Variants in TSR1 observed in about 807,000 individuals in gnomAD.
TSR1 encodes the protein pre-rRNA-processing protein TSR1 homolog.
Under a neutral mutation model 90.9 loss-of-function variants are expected in TSR1, and 81 were observed. That is an observed-to-expected ratio of 0.89 (90% CI 0.74 to 1.07). The LOEUF (loss-of-function observed/expected upper bound fraction) is 1.07. Among genes scored for constraint, TSR1 ranks in the 50% least tolerant of loss-of-function variants. The pLI is 0.00. For missense variants in TSR1, 989 were observed against 987.3 expected, an observed-to-expected ratio of 1.00 and a Z score of -0.02; for synonymous variants, 362 against 348.8, an observed-to-expected ratio of 1.04 and a Z score of -0.42.
chr17:2,332,848 A>G (rs1212690874), intron 7 of TSR1, 113 bp downstream of exon 7: 1 of 1,105,898 alleles, frequency 9.0e-7, no homozygotes, highest in Non-Finnish European at 1.3e-6. Context: ...TAAAAAAAAA[A>G]TAAAAAAAAT....
chr17:2,330,363 C>T (rs1295846002), intron 10 of TSR1, 152 bp downstream of exon 10: 2 of 772,584 alleles, frequency 2.6e-6, no homozygotes, highest in Non-Finnish European at 4.8e-6. Flanking sequence ...CCATCATTGA[C>T]TTCTCTATTA....
At position 2,333,333 on chromosome 17, in the gene TSR1, T is replaced by G. The variant is rs1225733592; in HGVS notation, c.1142-209A>C. ...ATAAGCCCTGCAATGAATCCAAAGT[T>G]GTTTATCTGTTCATGATAAAACATT... On this transcript the variant is annotated intron_variant, in intron 6 of 14. Coordinates refer to ENST00000301364, the MANE Select transcript of TSR1 (RefSeq NM_018128.5). 3.6e-6 allele frequency: 3 copies of G among 842,748 alleles called. No homozygotes were observed. In the South Asian group the frequency reaches 4.3e-5, roughly 12 times the overall value. 52.2% of individuals were successfully genotyped at this position (842,748 alleles called of 1,614,324 possible). A position where few individuals can be genotyped will look rare whatever the true frequency, so the allele number is the denominator to read the frequency against.
In TSR1 at chr17:2,324,902, A is replaced by G. The variant is rs540573999; in HGVS notation, c.2021-73T>C. On this transcript the variant is annotated intron_variant, in intron 12 of 14. Coordinates refer to ENST00000301364, the MANE Select transcript of TSR1 (RefSeq NM_018128.5). The stretch of plus-strand genomic sequence containing the variant: ...TCTTCATTTATTGCCCAGTCCATTT[A>G]AAGACCCATGCAAGAGCCTGGTTTG... The G allele has an allele frequency of 4.4e-5, 67 of 1,519,208 alleles. No homozygotes were observed. The South Asian group carries it at 7.4e-4, about 17-fold the overall frequency. 94.1% of individuals were successfully genotyped at this position (1,519,208 alleles called of 1,614,324 possible).
chr17:2,334,347 C>T (rs1038918052), intron 5 of TSR1, 125 bp downstream of exon 5: 1 of 1,008,322 alleles, frequency 9.9e-7, no homozygotes. Flanking sequence ...TTATAACTGA[C>T]TATTGCCTTA....
rs770500874 is a variant in TSR1, at chr17:2,323,274, G to C, written c.*922C>G. 3.1e-6 allele frequency: 5 copies of C among 1,614,000 alleles called. No homozygotes were observed. The highest frequency in any genetic ancestry group is 4.2e-6 in the Non-Finnish European group (5 of 1,180,012). On this transcript the variant is annotated 3_prime_UTR_variant, in exon 15 of 15. Transcript: ENST00000301364. ...AGCAGATGGTGTCAAATCCAGCATT[G>C]GCTTGAACACCTGGCCTATTATCAG...
intron 2 of TSR1, 101 bp from the exon 3 acceptor site, chr17:2,335,831 ATC>A: frequency 7.2e-7 from 1 of 1,391,412 alleles, no homozygotes; most frequent in Non-Finnish European, 9.8e-7. Flanking sequence ...CAAAACCAGC[ATC>A]TCTCTAGTAA....
At chr17:2,324,401 C>A in intron 14 of TSR1, 27 bp from the exon 15 acceptor site, 1 of 1,595,414 alleles carries the variant, frequency 6.3e-7, no homozygotes, top group South Asian at 1.1e-5. Flanking sequence ...ACAAGTCGGT[C>A]AAATTAAAAG....
intron 10 of TSR1, 44 bp from the exon 11 acceptor site, chr17:2,329,519 A>T (rs780204438): frequency 2.5e-5 from 41 of 1,608,226 alleles, no homozygotes; most frequent in Non-Finnish European, 3.4e-5. Context: ...TAGTCTAGGA[A>T]TACAATTGCC....
At chr17:2,326,947 A>G (rs548953963) in intron 11 of TSR1, among the ~76,000 whole-genome samples, 37 of 151,540 alleles carry the variant, frequency 2.4e-4, no homozygotes, top group Non-Finnish European at 3.7e-4. Flanking sequence ...TCTACTAATA[A>G]TAGAAAAATT....
Position 2,334,761 on chromosome 17 carries a change from A to T in TSR1, c.692T>A (p.Met231Lys). 6.2e-7 allele frequency: 1 copy of T among 1,614,238 alleles called. No homozygotes were observed. Among genetic ancestry groups the T allele is most frequent in the Non-Finnish European group, 8.5e-7 (1 of 1,180,052 alleles). Residue 231 changes from methionine to lysine, a missense_variant, in exon 5 of 15, where the codon ATG becomes AAG. Met to Lys is a moderately conservative substitution (Grantham distance 95). Coordinates refer to ENST00000301364, the MANE Select transcript of TSR1 (RefSeq NM_018128.5). ...LLLDTQQEAG[M>K]LLRQLANQKQ... Reference sequence around the variant, plus strand: ...CTGGTTAGCCAACTGCCTAAGCAGCATCCCTGCCTCCTGTTGAGTGTCTAA... The same window carrying T: ...CTGGTTAGCCAACTGCCTAAGCAGCTTCCCTGCCTCCTGTTGAGTGTCTAA...
chr17:2,323,318 C>A lies in TSR1; in HGVS notation c.*878G>T. 6.2e-7 allele frequency: 1 copy of A among 1,614,022 alleles called. No homozygotes were observed. The highest frequency in any genetic ancestry group is 1.1e-5 in the South Asian group (1 of 91,076). On this transcript the variant is annotated 3_prime_UTR_variant, in exon 15 of 15. Transcript: ENST00000301364. The stretch of plus-strand genomic sequence containing the variant: ...TTATCAGGGACCTTGTGGATGATAT[C>A]TTCACTGTCACAGAGGATGAAATTA...
In TSR1 at chr17:2,323,163, G is replaced by A; in HGVS notation, c.*1033C>T. 1.2e-6 allele frequency: 2 copies of A among 1,614,210 alleles called. No homozygotes were observed. Among genetic ancestry groups the A allele is most frequent in the South Asian group, 1.1e-5 (1 of 91,082 alleles). ...TCTGAAACCTAGTGTGAAGGTATAT[G>A]CTGCTGAACCCTCAAATGCAGATGA... is the stretch of plus-strand genomic sequence containing the variant. On this transcript the variant is annotated 3_prime_UTR_variant, in exon 15 of 15. Coordinates refer to ENST00000301364, the MANE Select transcript of TSR1 (RefSeq NM_018128.5).
intron 5 of TSR1, among the ~76,000 whole-genome samples, chr17:2,333,950 G>C (rs936993607): frequency 6.6e-6 from 1 of 151,808 alleles, no homozygotes; most frequent in Non-Finnish European, 1.5e-5. Flanking sequence ...CATTTATTAC[G>C]TACCTCACTC....
chr17:2,329,328 T>C lies in TSR1; in HGVS notation c.1903+15A>G. On this transcript the variant is annotated intron_variant, in intron 11 of 14. Transcript: ENST00000301364. The stretch of plus-strand genomic sequence containing the variant: ...AAGACAAGATGGACAAGAACCCAGC[T>C]TCCCCATTGCTAACCTGCAGTGTGC... 1 of 1,613,490 alleles carries C rather than the reference T, an allele frequency of 6.2e-7. No individual in the cohort carries two copies. The highest frequency in any genetic ancestry group is 1.1e-5 in the South Asian group (1 of 91,078).
At chr17:2,329,712 C>A (rs1056907819) in intron 10 of TSR1, among the ~76,000 whole-genome samples, 3 of 152,102 alleles carry the variant, frequency 2.0e-5, no homozygotes, top group Non-Finnish European at 4.4e-5. Context: ...GCTAACCTAC[C>A]TTCCTGCACC....
At position 2,335,170 on chromosome 17, in the gene TSR1, G is replaced by A. The variant is rs2064043976; in HGVS notation, c.556+90C>T. 6 of 1,380,000 alleles carry A rather than the reference G, an allele frequency of 4.3e-6. No individual in the cohort carries two copies. The South Asian group carries it at 6.6e-5, about 15-fold the overall frequency. 85.5% of individuals were successfully genotyped at this position (1,380,000 alleles called of 1,614,324 possible). On this transcript the variant is annotated intron_variant, in intron 4 of 14. Transcript: ENST00000301364. ...ATATGTGTACATCCCACCACCAGCT[G>A]AATATGATCCATCAGTTGTATTCCT...
At chr17:2,334,162 C>G (rs779768977) in intron 5 of TSR1, among the ~76,000 whole-genome samples, 1 of 152,132 alleles carries the variant, frequency 6.6e-6, no homozygotes, top group Non-Finnish European at 1.5e-5. Flanking sequence ...ACTGCTGGTC[C>G]GCACTCTAAC....
rs1370658460 is a variant in TSR1, at chr17:2,325,283, C to T, written c.2020+21G>A. 4 of 1,575,484 alleles carry T rather than the reference C, an allele frequency of 2.5e-6. No individual in the cohort carries two copies. The African/African-American group carries it at 5.4e-5, about 21-fold the overall frequency. Reference sequence around the variant, plus strand: ...CTATTAAGGACCTGCAGGGTCTGTTCATCTCTGTGGCTCAACTTACCATTG... The same window carrying T: ...CTATTAAGGACCTGCAGGGTCTGTTTATCTCTGTGGCTCAACTTACCATTG... On this transcript the variant is annotated intron_variant, in intron 12 of 14. Coordinates refer to ENST00000301364, the MANE Select transcript of TSR1 (RefSeq NM_018128.5).
At chr17:2,330,855 T>C (rs369868798) in intron 9 of TSR1, 92 bp downstream of exon 9, 1 of 1,432,440 alleles carries the variant, frequency 7.0e-7, no homozygotes. Context: ...AATCCCCAAA[T>C]GCAGCATATT....
Sources: allele counts gnomAD v4.1 joint callset (sites outside exome capture counted in the v4.1 genomes callset), GRCh38; gene constraint gnomAD v4.1.1; transcripts MANE v1.5; gene names NCBI Gene and HGNC (gene_info 2026-07-23, HGNC 2026-07-21).